The following DNAH2 variants were observed in gnomAD, a reference collection of about 807,000 sequenced individuals.
DNAH2 encodes axonemal beta dynein heavy chain 2.
In DNAH2, 323 loss-of-function variants were observed where a neutral mutation model predicts 523.5. The observed-to-expected ratio is 0.62, with a 90% CI of 0.56 to 0.68. The LOEUF (loss-of-function observed/expected upper bound fraction) is 0.68, where lower values mean the gene tolerates loss of function less well. Among genes scored for constraint, DNAH2 ranks in the 30% least tolerant of loss-of-function variants. The probability of loss-of-function intolerance (pLI) is 0.00; values close to 1 mark genes in which losing one functional copy is unlikely to be tolerated. For missense variants in DNAH2, 4,907 were observed against 5,701.5 expected, an observed-to-expected ratio of 0.86 and a Z score of 4.49; for synonymous variants, 2,093 against 2,177.4, an observed-to-expected ratio of 0.96 and a Z score of 1.08.
At chr17:7,790,767 C>T (rs9905612) in intron 44 of DNAH2, among the ~76,000 whole-genome samples, 80,925 of 151,072 alleles carry the variant, frequency 0.54, 23,103 homozygotes, top group Non-Finnish European at 0.62. Flanking sequence ...GCTGGAATGG[C>T]ATGATCAGGG....
intron 69 of DNAH2, 86 bp from the exon 70 acceptor site, chr17:7,818,557 T>G (rs2077752254): frequency 1.2e-6 from 2 of 1,602,258 alleles, no homozygotes; most frequent in East Asian, 4.5e-5. Context: ...CAGCTGAGGA[T>G]GAGGGGTCTT....
Position 7,818,519 on chromosome 17 carries a change from T to C in DNAH2, c.10536+59T>C, listed in dbSNP as rs1217332349. On this transcript the variant is annotated intron_variant, in intron 69 of 85. Coordinates refer to ENST00000572933, the MANE Select transcript of DNAH2 (RefSeq NM_020877.5). ...GTGAAGCAGGAAGAGTTTGGAAGGA[T>C]TGAGAAAAGGGATAAGCTTGTGTTG... 15 of 1,605,688 alleles carry C rather than the reference T, an allele frequency of 9.3e-6. No individual in the cohort carries two copies. In the East Asian group the frequency reaches 3.1e-4, roughly 34 times the overall value.
Position 7,733,038 on chromosome 17 carries a change from T to C in DNAH2, c.400-49T>C, listed in dbSNP as rs778840302. On this transcript the variant is annotated intron_variant, in intron 4 of 85. Transcript: ENST00000572933. ...TCAGCCGGGCTTTTGTGACTGGGTG[T>C]CATGGCTGGGCCTGGAGACTGAACT... is the stretch of plus-strand genomic sequence containing the variant. 1.9e-6 allele frequency: 3 copies of C among 1,591,030 alleles called. No individual in the cohort carries two copies. The South Asian group carries it at 3.4e-5, about 18-fold the overall frequency.
At chr17:7,812,299 A>G (rs2077538057) in intron 63 of DNAH2, among the ~76,000 whole-genome samples, 1 of 152,126 alleles carries the variant, frequency 6.6e-6, no homozygotes, top group Admixed American at 6.5e-5. Context: ...ATACATATAA[A>G]ATATATCATT....
In DNAH2 at chr17:7,798,483, T is replaced by C. The variant is rs1200651610; in HGVS notation, c.8399-75T>C. The C allele has an allele frequency of 6.3e-7, 1 of 1,586,404 alleles. No homozygotes were observed. Among genetic ancestry groups the C allele is most frequent in the African/African-American group, 1.3e-5 (1 of 74,574 alleles). On this transcript the variant is annotated intron_variant, in intron 54 of 85. Transcript: ENST00000572933. The surrounding 1 kb of genome is among the most constrained non-coding windows in gnomAD (Gnocchi z 5.5). ...TATGCTGCGGGGCGGGGAGGGTTCC[T>C]AAATCTCAGAAAAGGAATCAAGCCC...
Position 7,792,658 on chromosome 17 carries a change from G to T in DNAH2, c.7147G>T (p.Ala2383Ser), listed in dbSNP as rs760670678. 3.1e-6 allele frequency: 5 copies of T among 1,613,346 alleles called. No homozygotes were observed. Among genetic ancestry groups the T allele is most frequent in the Non-Finnish European group, 4.2e-6 (5 of 1,179,700 alleles). The change falls in exon 47 of 86, where the codon GCC (alanine) becomes TCC (serine). Residue 2383 changes from alanine (A) to serine (S), a missense_variant and splice_region_variant. Transcript: ENST00000572933. ...GAGCCGGCCCCTGCTCTTCCCTAGC[G>T]CCCCCTTCTATAAGATCATGGTGCC... ...LPKSWRYPPN[A>S]PFYKIMVPTV...
At chr17:7,783,304 C>G (rs914989485) in intron 39 of DNAH2, among the ~76,000 whole-genome samples, 1 of 151,894 alleles carries the variant, frequency 6.6e-6, no homozygotes, top group African/African-American at 2.4e-5. Context: ...CTCGAACTCC[C>G]GACCTCAGGT....
intron 63 of DNAH2, among the ~76,000 whole-genome samples, chr17:7,809,381 G>A (rs763085458): frequency 1.3e-5 from 2 of 151,938 alleles, no homozygotes; most frequent in African/African-American, 2.4e-5. Context: ...AAGCTAAGCT[G>A]CCCACGAGGC....
Position 7,765,385 on chromosome 17 carries a change from C to T in DNAH2, c.3337-6C>T. The T allele has an allele frequency of 6.2e-7, 1 of 1,610,800 alleles. No homozygotes were observed. The highest frequency in any genetic ancestry group is 8.5e-7 in the Non-Finnish European group (1 of 1,178,266). On this transcript the variant is annotated splice_region_variant and splice_polypyrimidine_tract_variant and intron_variant, in intron 20 of 85. Coordinates refer to ENST00000572933, the MANE Select transcript of DNAH2 (RefSeq NM_020877.5). ...CTGGTCATCCTCCACTCTCTGACTC[C>T]CCCAGGTCCTGGAGATGCTGGACAG...
intron 77 of DNAH2, 29 bp from the exon 78 acceptor site, chr17:7,830,271 A>AC: frequency 6.3e-7 from 1 of 1,598,948 alleles, no homozygotes; most frequent in Non-Finnish European, 8.5e-7. Flanking sequence ...GATGCATGTC[A>AC]CCCCATCTTT....
At position 7,777,515 on chromosome 17, in the gene DNAH2, G is replaced by A. The variant is rs2076488290; in HGVS notation, c.5128G>A (p.Val1710Met). 4 of 1,614,150 alleles carry A rather than the reference G, an allele frequency of 2.5e-6. No homozygotes were observed. In the East Asian group the frequency reaches 6.7e-5, roughly 27 times the overall value. ...GACCAAGATCATGCGGCTTAAAATT[G>A]TGGCTCTGGTGACGATAGAAATTCA... is the stretch of plus-strand genomic sequence containing the variant. ...NLTKIMRLKI[V>M]ALVTIEIHAR... Residue 1710 changes from valine (V) to methionine (M), a missense_variant, in exon 33 of 86, where the codon GTG (valine) becomes ATG (methionine). Val to Met is a conservative substitution (Grantham distance 21). This residue lies in a region of DNAH2 where 2,806 missense variants were observed against 3,190.8 expected (regional missense o/e 0.88). Coordinates refer to ENST00000572933, the MANE Select transcript of DNAH2 (RefSeq NM_020877.5).
intron 58 of DNAH2, 131 bp downstream of exon 58, chr17:7,802,148 G>A (rs2077240716): frequency 7.7e-7 from 1 of 1,299,550 alleles, no homozygotes; most frequent in Non-Finnish European, 1.0e-6. Context: ...TTGGGAAGAG[G>A]GAGTTGGGGC....
intron 56 of DNAH2, among the ~76,000 whole-genome samples, chr17:7,800,861 C>T (rs1469727514): frequency 1.7e-4 from 24 of 144,746 alleles, no homozygotes; most frequent in African/African-American, 4.6e-4. Context: ...TGAAAGACTC[C>T]GTCTCAAAAA....
intron 56 of DNAH2, 38 bp from the exon 57 acceptor site, chr17:7,801,540 G>A: frequency 6.2e-7 from 1 of 1,612,826 alleles, no homozygotes; most frequent in Non-Finnish European, 8.5e-7. Context: ...GGCTGTGTCT[G>A]TGCACGGAAT....
In DNAH2 at chr17:7,719,769, G is replaced by C; in HGVS notation, c.35G>C (p.Ser12Thr). 6.2e-7 allele frequency: 1 copy of C among 1,614,228 alleles called. No individual in the cohort carries two copies. Among genetic ancestry groups the C allele is most frequent in the African/African-American group, 1.3e-5 (1 of 75,062 alleles). ...AAAGCTGAGAAGAAGCAGCGATTGA[G>C]TGGCCGAGGAAGCTCCCAGGCAAGC... ...SSKAEKKQRL[S>T]GRGSSQASWS... is the part of the protein sequence containing the mutation. The change falls in exon 2 of 86, where the codon AGT becomes ACT. Residue 12 changes from serine (S) to threonine (T), a missense_variant. Ser to Thr is a moderately conservative substitution (Grantham distance 58). This residue lies in a region of DNAH2 where 2,806 missense variants were observed against 3,190.8 expected (regional missense o/e 0.88). Coordinates refer to ENST00000572933, the MANE Select transcript of DNAH2 (RefSeq NM_020877.5).
chr17:7,728,906 G>T (rs1025800291), intron 4 of DNAH2, among the ~76,000 whole-genome samples: 2 of 151,836 alleles, frequency 1.3e-5, no homozygotes, highest in African/African-American at 4.8e-5. Context: ...GATCACTTGA[G>T]CCTGGGAGGT....
chr17:7,808,276 C>T (rs1029980138), intron 63 of DNAH2, among the ~76,000 whole-genome samples: 6 of 151,384 alleles, frequency 4.0e-5, no homozygotes, highest in Non-Finnish European at 5.9e-5. Flanking sequence ...GAGGCTGAGG[C>T]ATGAGAATCG....
chr17:7,802,873 A>G (rs547124269), intron 58 of DNAH2, among the ~76,000 whole-genome samples: 1 of 147,640 alleles, frequency 6.8e-6, no homozygotes, highest in Non-Finnish European at 1.5e-5. Flanking sequence ...GGGTTTCACC[A>G]TGTTGGCCAG....
At position 7,760,059 on chromosome 17, in the gene DNAH2, G is replaced by C; in HGVS notation, c.2785+121G>C. ...CTGGGCCAGTCACCTCCCTGACCTGGGGAAAACTCAGGTCAAGGGGCCAGA... is the reference window on the plus strand; with the variant it reads ...CTGGGCCAGTCACCTCCCTGACCTGCGGAAAACTCAGGTCAAGGGGCCAGA... On this transcript the variant is annotated intron_variant, in intron 17 of 85. Transcript: ENST00000572933. This position sits in a 1 kb window ranked among gnomAD's most constrained non-coding sequence, Gnocchi z 4.0. 1 of 1,475,170 alleles carries C rather than the reference G, an allele frequency of 6.8e-7. No individual in the cohort carries two copies. The highest frequency in any genetic ancestry group is 9.3e-7 in the Non-Finnish European group (1 of 1,076,066). The allele number at this position is 1,475,170 out of a possible 1,614,324, so 91.4% of individuals were successfully genotyped here.
Sources: gnomAD v4.1 joint callset for allele counts (sites outside exome capture counted in the v4.1 genomes callset) on GRCh38, gnomAD v4.1.1 for gene constraint, gnomAD v4.1.1 regional missense constraint, Gnocchi (gnomAD v3.1) non-coding constraint, MANE v1.5 for transcripts, NCBI Gene and HGNC (gene_info 2026-07-23, HGNC 2026-07-21) for gene names.